Variants in RGS6 observed in about 807,000 individuals in gnomAD.
The protein encoded by RGS6 is regulator of G-protein signaling 6.
In RGS6, 30 loss-of-function variants were observed where a neutral mutation model predicts 78.5. That is an observed-to-expected ratio of 0.38 (90% CI 0.29 to 0.52). The LOEUF (loss-of-function observed/expected upper bound fraction) is 0.52, where lower values mean the gene tolerates loss of function less well. RGS6 is among the 20% of genes least tolerant of loss of function. The pLI is 0.85. For synonymous variants in RGS6, 206 were observed against 206.0 expected (o/e 1.00, Z 0.00); for missense variants, 495 against 609.7 (o/e 0.81, Z 1.98).
intron 3 of RGS6, among the ~76,000 whole-genome samples, chr14:72,400,655 T>C (rs2092279347): frequency 6.6e-6 from 1 of 152,226 alleles, no homozygotes; most frequent in South Asian, 2.1e-4. Context: ...TGTTCAGTAT[T>C]GTTTCTATAT....
intron 2 of RGS6, among the ~76,000 whole-genome samples, chr14:72,153,787 C>A (rs539872712): frequency 7.8e-4 from 118 of 152,246 alleles, no homozygotes; most frequent in African/African-American, 2.6e-3. Flanking sequence ...AGATCATATG[C>A]TTCTGGGGAA....
At chr14:72,435,668 T>G (rs1339602886) in intron 3 of RGS6, among the ~76,000 whole-genome samples, 1 of 152,108 alleles carries the variant, frequency 6.6e-6, no homozygotes, top group Non-Finnish European at 1.5e-5. Flanking sequence ...CTGCATTTCT[T>G]GTCTCGTGGC....
intron 2 of RGS6, among the ~76,000 whole-genome samples, chr14:72,132,955 A>T (rs2096359008): frequency 6.6e-6 from 1 of 152,122 alleles, no homozygotes; most frequent in African/African-American, 2.4e-5. Flanking sequence ...GTTCCATTAG[A>T]TGTTTAAATC....
At chr14:72,329,407 A>C (rs2074497842) in intron 2 of RGS6, among the ~76,000 whole-genome samples, 1 of 152,248 alleles carries the variant, frequency 6.6e-6, no homozygotes, top group African/African-American at 2.4e-5. Flanking sequence ...GCAAGGCAGC[A>C]TGCCAGTGGA....
At chr14:71,952,026 AATT>A (rs1461023809) in intron 1 of RGS6, among the ~76,000 whole-genome samples, 30 of 152,232 alleles carry the variant, frequency 2.0e-4, no homozygotes, top group South Asian at 6.2e-4. Context: ...TGCATTCATA[AATT>A]ATTATGAATT....
intron 2 of RGS6, among the ~76,000 whole-genome samples, chr14:72,194,305 T>C (rs1045161747): frequency 1.3e-5 from 2 of 152,222 alleles, no homozygotes; most frequent in African/African-American, 2.4e-5. Flanking sequence ...TTCTGGGTGA[T>C]GGCTATACCG....
At chr14:72,101,231 G>C (rs1455251655) in intron 2 of RGS6, among the ~76,000 whole-genome samples, 3 of 152,174 alleles carry the variant, frequency 2.0e-5, no homozygotes. Context: ...TTTGTGGCCA[G>C]GTCTGACAGC....
At chr14:71,998,823 C>T (rs2082855579) in intron 2 of RGS6, among the ~76,000 whole-genome samples, 1 of 152,184 alleles carries the variant, frequency 6.6e-6, no homozygotes, top group Non-Finnish European at 1.5e-5. Flanking sequence ...AAGTTAAGAA[C>T]TGTTTCAGTC....
intron 2 of RGS6, among the ~76,000 whole-genome samples, chr14:72,030,861 A>G (rs1327135499): frequency 2.0e-5 from 3 of 152,224 alleles, no homozygotes; most frequent in Admixed American, 2.0e-4. Flanking sequence ...AAACAGGTCA[A>G]TGATATTCTT....
intron 2 of RGS6, among the ~76,000 whole-genome samples, chr14:72,068,286 C>A (rs1472017923): frequency 1.3e-5 from 2 of 151,664 alleles, no homozygotes; most frequent in East Asian, 1.9e-4. Flanking sequence ...AGGCATGCAC[C>A]ACCACACCTA....
At chr14:71,936,052 AT>A (rs372180432) in intron 1 of RGS6, among the ~76,000 whole-genome samples, 8,231 of 138,326 alleles carry the variant, frequency 0.06, 407 homozygotes, top group East Asian at 0.19. Flanking sequence ...GTACATATAT[AT>A]CATATATACA....
rs1342917632 is a variant in RGS6 at position 72,221,790 on chromosome 14, T to C, written c.85-130305T>C. On this transcript the variant is annotated intron_variant, in intron 2 of 17. Coordinates refer to ENST00000553525, the MANE Select transcript of RGS6 (RefSeq NM_001204424.2). ...TAATTTAGATCCCATACCAACACTTTATTCAATTAGTTTGGCCAGAGAGTC... is the reference window on the plus strand; with the variant it reads ...TAATTTAGATCCCATACCAACACTTCATTCAATTAGTTTGGCCAGAGAGTC... Among the ~76,000 whole-genome samples, 6 of 152,290 alleles carry C rather than the reference T, an allele frequency of 3.9e-5. No individual in the cohort carries two copies. In the South Asian group the frequency reaches 1.2e-3, roughly 32 times the overall value.
intron 2 of RGS6, among the ~76,000 whole-genome samples, chr14:72,347,213 T>C (rs531625181): frequency 2.6e-5 from 4 of 152,298 alleles, no homozygotes; most frequent in Middle Eastern, 3.4e-3. Flanking sequence ...ACAAAAGATG[T>C]CAGAAGTTAG....
At chr14:72,425,625 A>G (rs759367556) in intron 3 of RGS6, among the ~76,000 whole-genome samples, 24 of 152,190 alleles carry the variant, frequency 1.6e-4, no homozygotes, top group Non-Finnish European at 2.6e-4. Flanking sequence ...ATGGGGTATC[A>G]TTTTTTCCCA....
intron 2 of RGS6, among the ~76,000 whole-genome samples, chr14:72,019,801 G>T (rs2087972425): frequency 6.6e-6 from 1 of 152,114 alleles, no homozygotes. Context: ...TAATGACTGG[G>T]GATGGACTCC....
intron 2 of RGS6, among the ~76,000 whole-genome samples, chr14:72,063,071 G>A (rs556531869): frequency 1.4e-4 from 21 of 152,094 alleles, no homozygotes; most frequent in Non-Finnish European, 2.2e-4. Flanking sequence ...TGATCTGCCC[G>A]CCTCGGCCTC....
At chr14:72,607,444 C>T in the RGS6 span, among the ~76,000 whole-genome samples, 1 of 152,192 alleles carries the variant, frequency 6.6e-6, no homozygotes, top group Non-Finnish European at 1.5e-5. Flanking sequence ...GCACTAATGC[C>T]GTGCATGTGG....
At chr14:72,229,897 G>C (rs1477832831) in intron 2 of RGS6, among the ~76,000 whole-genome samples, 1 of 152,188 alleles carries the variant, frequency 6.6e-6, no homozygotes, top group Non-Finnish European at 1.5e-5. Flanking sequence ...TGAGGCATAA[G>C]ACTCGCTTCT....
At chr14:72,507,964 CAG>C (rs1341240125) in intron 13 of RGS6, among the ~76,000 whole-genome samples, 1 of 151,924 alleles carries the variant, frequency 6.6e-6, no homozygotes, top group African/African-American at 2.4e-5. Context: ...CTTCCACAAA[CAG>C]TATTTTTGGT....
Sources: gnomAD v4.1 joint callset for allele counts (sites outside exome capture counted in the v4.1 genomes callset) on GRCh38, gnomAD v4.1.1 for gene constraint, MANE v1.5 for transcripts, NCBI Gene and HGNC (gene_info 2026-07-23, HGNC 2026-07-21) for gene names.